IL4I1: variants seen among roughly 807,000 people sequenced by gnomAD.
IL4I1 encodes L-amino-acid oxidase.
Under a neutral mutation model 29.7 loss-of-function variants are expected in IL4I1, and 24 were observed. The observed-to-expected ratio is 0.81, with a 90% confidence interval of 0.59 to 1.14. The LOEUF (loss-of-function observed/expected upper bound fraction) is 1.14, where lower values mean the gene tolerates loss of function less well. Ranked by LOEUF, IL4I1 falls within the 50% of genes most tolerant of loss-of-function variation. The probability of loss-of-function intolerance (pLI) is 0.00; values close to 1 mark genes in which losing one functional copy is unlikely to be tolerated. For missense variants in IL4I1, 686 were observed against 785.6 expected (o/e 0.87, Z 1.52); for synonymous variants, 371 against 352.5 (o/e 1.05, Z -0.59).
intron 2 of IL4I1, among the ~76,000 whole-genome samples, chr19:49,924,286 C>T (rs920324882): frequency 5.9e-5 from 9 of 152,140 alleles, no homozygotes; most frequent in Admixed American, 1.3e-4. Context: ...ATCTGAGGCC[C>T]CTTCTTGGCA....
At chr19:49,907,882 A>G (rs2075359264) in intron 2 of IL4I1, 5 of 387,528 alleles carry the variant, frequency 1.3e-5, no homozygotes, top group Non-Finnish European at 2.4e-5. Flanking sequence ...ACCTATGACT[A>G]TGCTTTGGAG....
rs1005839367 is a variant in IL4I1 at position 49,894,304 on chromosome 19, G to A, written c.531C>T (p.His177=). 1.9e-6 allele frequency: 3 copies of A among 1,614,190 alleles called. No individual in the cohort carries two copies. The highest frequency in any genetic ancestry group is 1.3e-5 in the African/African-American group (1 of 75,070). Residue 177 remains histidine, a synonymous_variant, in exon 5 of 8, where the codon CAC becomes CAT. Transcript: ENST00000391826. ...CCATCTGGTAGATGTCTTCGGGCGA[G>A]TGGCCCTTTTCCTGGGGACGCAAGG... ...GYALRPQEKG[H]SPEDIYQMAL...
At chr19:49,913,999 C>T (rs1019964533) in intron 2 of IL4I1, among the ~76,000 whole-genome samples, 3 of 152,162 alleles carry the variant, frequency 2.0e-5, no homozygotes, top group African/African-American at 7.2e-5. Context: ...GAGAGGACAG[C>T]ATCACAATTT....
chr19:49,923,967 G>A (rs1289745248), intron 2 of IL4I1, among the ~76,000 whole-genome samples: 1 of 152,238 alleles, frequency 6.6e-6, no homozygotes, highest in East Asian at 1.9e-4. Context: ...GCAAAACTCG[G>A]AGCCTTTTCC....
chr19:49,909,757 C>T lies in IL4I1; in HGVS notation c.-227-5436G>A, dbSNP rs201611239. 23 of 1,614,024 alleles carry T rather than the reference C, an allele frequency of 1.4e-5. No homozygotes were observed. The highest frequency in any genetic ancestry group is 5.0e-5 in the Admixed American group (3 of 59,988). ...TTGTTGCCGTCTTTGCAGTGCCAAA[C>T]GTGAACCCGCCTGTAGGGGCCCCAG... On this transcript the variant is annotated intron_variant, in intron 2 of 9. Coordinates refer to the IL4I1 transcript ENST00000341114.
rs1159722278 is a variant in IL4I1, at chr19:49,907,968, A to G, written c.-227-3647T>C. On this transcript the variant is annotated intron_variant, in intron 2 of 9. Transcript: ENST00000341114. ...TCCATCACCAGGCTGAGCCAGGATGAGGTGGGTGGTCGCAGTAGGTGAAAA... is the reference window on the plus strand; with the variant it reads ...TCCATCACCAGGCTGAGCCAGGATGGGGTGGGTGGTCGCAGTAGGTGAAAA... The G allele has an allele frequency of 1.5e-5, 9 of 591,334 alleles. No homozygotes were observed. In the East Asian group the frequency reaches 2.9e-4, roughly 19 times the overall value. 36.6% of individuals were successfully genotyped at this position (591,334 alleles called of 1,614,324 possible). A position where few individuals can be genotyped will look rare whatever the true frequency, so the allele number is the denominator to read the frequency against.
At chr19:49,909,415 G>A in intron 2 of IL4I1, 4 of 1,613,900 alleles carry the variant, frequency 2.5e-6, no homozygotes, top group Non-Finnish European at 8.5e-7. Context: ...TGCCCTGGCT[G>A]GAGGTGACGG....
intron 2 of IL4I1, chr19:49,908,518 A>T (rs753378692): frequency 6.2e-7 from 1 of 1,614,054 alleles, no homozygotes; most frequent in Admixed American, 1.7e-5. Flanking sequence ...AGGTTTTCTC[A>T]CGCTCCTCAT....
chr19:49,911,009 T>A (rs2075448766), intron 2 of IL4I1: 1 of 152,206 alleles, frequency 6.6e-6, no homozygotes, highest in African/African-American at 2.4e-5. Context: ...ACCCAAGTGA[T>A]CCTCCCACCT....
intron 2 of IL4I1, among the ~76,000 whole-genome samples, chr19:49,904,850 T>C (rs1203867703): frequency 1.3e-5 from 2 of 151,958 alleles, no homozygotes; most frequent in Non-Finnish European, 1.5e-5. Context: ...GCTGGGACTA[T>C]AGGCGCCTGC....
chr19:49,898,547 C>A (rs904797551), upstream of IL4I1, among the ~76,000 whole-genome samples: 4 of 152,122 alleles, frequency 2.6e-5, no homozygotes, highest in Non-Finnish European at 2.9e-5. Context: ...GTGCTCAGGG[C>A]TTTGCACCCA....
At chr19:49,896,686 G>A (rs554672851) in intron 1 of IL4I1, 149 bp downstream of exon 1, 27 of 282,876 alleles carry the variant, frequency 9.5e-5, no homozygotes, top group Non-Finnish European at 1.3e-4. Context: ...CACCCACCTC[G>A]GCCTCCCAAA....
chr19:49,898,130 G>A (rs552252566), upstream of IL4I1, among the ~76,000 whole-genome samples: 1 of 152,290 alleles, frequency 6.6e-6, no homozygotes, highest in East Asian at 1.9e-4. Context: ...AGACCAGCCT[G>A]GCCAACATGG....
In IL4I1 at chr19:49,896,793, G is replaced by C. The variant is rs932424878; in HGVS notation, c.-23+42C>G. On this transcript the variant is annotated intron_variant, in intron 1 of 7. Coordinates refer to ENST00000391826, the MANE Select transcript of IL4I1 (RefSeq NM_152899.2). ...CTGCTTCTCAGTCCCTATTTCTGTG[G>C]GTCCTGTCTCTCTGTCCCCCCACCA... 6 of 976,818 alleles carry C rather than the reference G, an allele frequency of 6.1e-6. No homozygotes were observed. The African/African-American group carries it at 8.8e-5, about 14-fold the overall frequency. 60.5% of individuals were successfully genotyped at this position (976,818 alleles called of 1,614,324 possible). A position where few individuals can be genotyped will look rare whatever the true frequency, so the allele number is the denominator to read the frequency against.
chr19:49,902,495 G>A (rs1031336101), intron 3 of IL4I1, among the ~76,000 whole-genome samples: 2 of 151,536 alleles, frequency 1.3e-5, no homozygotes, highest in African/African-American at 4.9e-5. Flanking sequence ...ACGTTTCCTG[G>A]AATAGCTCAT....
chr19:49,923,319 G>T (rs578124835), intron 2 of IL4I1, among the ~76,000 whole-genome samples: 4 of 152,322 alleles, frequency 2.6e-5, no homozygotes, highest in African/African-American at 9.6e-5. Flanking sequence ...TCCTCTCAGG[G>T]ACCTCAGTAT....
At position 49,908,264 on chromosome 19, in the gene IL4I1, C is replaced by T. The variant is rs751090448; in HGVS notation, c.-227-3943G>A. On this transcript the variant is annotated intron_variant, in intron 2 of 9. Transcript: ENST00000341114. ...TCAGTCAAAGGTGATCCGGAAGCTG[C>T]GCTCCTGCTCCTTGCGCCGGCCCTC... 5 of 1,613,632 alleles carry T rather than the reference C, an allele frequency of 3.1e-6. No individual in the cohort carries two copies. Among genetic ancestry groups the T allele is most frequent in the Admixed American group, 1.7e-5 (1 of 60,030 alleles).
intron 7 of IL4I1, 67 bp from the exon 8 acceptor site, chr19:49,890,667 C>G: frequency 7.4e-7 from 1 of 1,353,250 alleles, no homozygotes; most frequent in Non-Finnish European, 9.7e-7. Flanking sequence ...TCTGCCTTGC[C>G]CCACCCACCC....
At chr19:49,903,554 G>T (rs2075288859) in intron 3 of IL4I1, among the ~76,000 whole-genome samples, 1 of 152,224 alleles carries the variant, frequency 6.6e-6, no homozygotes, top group African/African-American at 2.4e-5. Flanking sequence ...TGCTCCCTGG[G>T]AGGTTCTGTG....
Sources: allele counts gnomAD v4.1 joint callset (sites outside exome capture counted in the v4.1 genomes callset), GRCh38; gene constraint gnomAD v4.1.1; transcripts MANE v1.5; gene names NCBI Gene and HGNC (gene_info 2026-07-23, HGNC 2026-07-21).